Variants in ANO1 observed in about 807,000 individuals in gnomAD.
ANO1 encodes the protein anoctamin 1.
A neutral mutation model predicts 124.0 loss-of-function variants in ANO1; 59 were observed. The ratio of observed to expected loss-of-function variants is 0.48; its 90% confidence interval spans 0.39 to 0.59. The LOEUF (loss-of-function observed/expected upper bound fraction) is 0.59, where lower values mean the gene tolerates loss of function less well. Ranked by LOEUF, ANO1 falls within the 20% of genes least tolerant of loss-of-function variation. The pLI is 0.00. For missense variants in ANO1, 1,059 were observed against 1,328.0 expected, an observed-to-expected ratio of 0.80 and a Z score of 3.15; for synonymous variants, 529 against 532.0, an observed-to-expected ratio of 0.99 and a Z score of 0.08.
intron 2 of ANO1, among the ~76,000 whole-genome samples, chr11:70,094,720 G>A (rs181571058): frequency 2.1e-3 from 314 of 152,300 alleles, no homozygotes; most frequent in Admixed American, 3.5e-3. Context: ...TGCACGATGG[G>A]ATGTTAGGAA....
intron 11 of ANO1, among the ~76,000 whole-genome samples, chr11:70,132,588 CCTGAT>C (rs2046802899): frequency 1.3e-5 from 2 of 152,228 alleles, no homozygotes; most frequent in South Asian, 4.1e-4. Flanking sequence ...TCACTCAGCT[CCTGAT>C]TGCCACTGGG....
chr11:70,155,722 G>A (rs1392892859), intron 14 of ANO1, among the ~76,000 whole-genome samples, 189 bp from the exon 15 acceptor site: 3 of 152,220 alleles, frequency 2.0e-5, no homozygotes, highest in East Asian at 1.9e-4. Flanking sequence ...CTTTCCGAAC[G>A]TAGGTCTCTG....
intron 1 of ANO1, among the ~76,000 whole-genome samples, chr11:70,051,703 G>A (rs1266307060): frequency 6.6e-6 from 1 of 152,242 alleles, no homozygotes; most frequent in Admixed American, 6.5e-5. Flanking sequence ...AGCCTCTTTT[G>A]AGGAAGTGCT....
At chr11:70,066,500 G>T (rs1857722743) in intron 1 of ANO1, among the ~76,000 whole-genome samples, 1 of 152,286 alleles carries the variant, frequency 6.6e-6, no homozygotes, top group East Asian at 1.9e-4. Context: ...TCTCTAGAAA[G>T]TTCCATTCTG....
intron 1 of ANO1, among the ~76,000 whole-genome samples, chr11:70,005,242 C>A (rs553359834): frequency 6.6e-6 from 1 of 152,234 alleles, no homozygotes; most frequent in Admixed American, 6.5e-5. Context: ...TTTACTCCAC[C>A]CAAATCCCCT....
intron 1 of ANO1, among the ~76,000 whole-genome samples, chr11:69,993,341 A>G (rs995704257): frequency 1.3e-5 from 2 of 152,210 alleles, no homozygotes; most frequent in Non-Finnish European, 2.9e-5. Context: ...AAAAGTCTGA[A>G]CATGGTGGAA....
intron 22 of ANO1, among the ~76,000 whole-genome samples, chr11:70,176,583 T>C (rs2048709674): frequency 6.6e-6 from 1 of 152,172 alleles, no homozygotes; most frequent in Admixed American, 6.5e-5. Context: ...TCAGAGAGAA[T>C]AGACTGTAAA....
the ANO1 span, among the ~76,000 whole-genome samples, chr11:69,970,709 C>A: frequency 6.6e-6 from 1 of 152,164 alleles, no homozygotes; most frequent in Non-Finnish European, 1.5e-5. Flanking sequence ...GAAATGCCAC[C>A]TTTAAAAGGG....
intron 1 of ANO1, among the ~76,000 whole-genome samples, chr11:70,021,537 T>C (rs1440964686): frequency 6.6e-6 from 1 of 152,100 alleles, no homozygotes; most frequent in East Asian, 1.9e-4. Flanking sequence ...AAATAAAGTG[T>C]ATTTTTAAAT....
chr11:70,066,511 A>T (rs1483745897), intron 1 of ANO1, among the ~76,000 whole-genome samples: 2 of 152,068 alleles, frequency 1.3e-5, no homozygotes, highest in African/African-American at 2.4e-5. Context: ...TTCCATTCTG[A>T]TAGATGAGTC....
At chr11:70,108,498 G>A in intron 6 of ANO1, 94 bp downstream of exon 6, 1 of 1,407,538 alleles carries the variant, frequency 7.1e-7, no homozygotes, top group South Asian at 1.2e-5. Flanking sequence ...AGCCGGCTTG[G>A]GGTGTTTAAG....
intron 1 of ANO1, among the ~76,000 whole-genome samples, chr11:70,007,800 AT>A (rs1856522022): frequency 6.6e-6 from 1 of 152,160 alleles, no homozygotes; most frequent in South Asian, 2.1e-4. Context: ...TCAATTTTTC[AT>A]TTTTTTAGGA....
upstream of ANO1, among the ~76,000 whole-genome samples, chr11:69,982,385 T>G (rs556013881): frequency 6.6e-6 from 1 of 152,278 alleles, no homozygotes; most frequent in African/African-American, 2.4e-5. Context: ...CCGTCCACCT[T>G]GAAAAACCCA....
Position 70,187,823 on chromosome 11 carries a change from A to G in ANO1, c.2780A>G (p.Lys927Arg). 3 of 1,609,534 alleles carry G rather than the reference A, an allele frequency of 1.9e-6. No individual in the cohort carries two copies. Among genetic ancestry groups the G allele is most frequent in the South Asian group, 1.1e-5 (1 of 89,720 alleles). The change falls in exon 26 of 26, where the codon AAG becomes AGG. Residue 927 changes from lysine to arginine, a missense_variant. This residue lies in a region of ANO1 where 809 missense variants were observed against 1,094.9 expected (regional missense o/e 0.74). Coordinates refer to ENST00000355303, the MANE Select transcript of ANO1 (RefSeq NM_018043.7). Reference protein sequence around the residue: ...KDISQQIHKEKVLMVELFMRE... With the variant: ...KDISQQIHKERVLMVELFMRE... ...ATCAGCCAGCAGATCCACAAGGAGA[A>G]GGTGCTCATGGTGGAGCTGTTCATG... is the stretch of plus-strand genomic sequence containing the variant.
chr11:70,157,360 C>T (rs2047858155), intron 16 of ANO1, among the ~76,000 whole-genome samples: 1 of 114,002 alleles, frequency 8.8e-6, no homozygotes, highest in Non-Finnish European at 1.8e-5. Flanking sequence ...GAGCAAGACT[C>T]TGTCTCAAAA....
At position 70,010,162 on chromosome 11, in the gene ANO1, T is replaced by TGCGC. The variant is rs1555000802; in HGVS notation, c.58+23997_58+23998insCGCG. Among the ~76,000 whole-genome samples the TGCGC allele has an allele frequency of 7.7e-3, 581 of 75,334 alleles. 35 individuals carry two copies. The highest frequency in any genetic ancestry group is 0.026 in the African/African-American group (541 of 21,158). The allele number at this position is 75,334 out of a possible 152,430, so 49.4% of individuals were successfully genotyped here. ...GTGTGTGTGTGTGTGTGTGTGTGTGTGTGCGCGTGTGTGTGTGTATATATA... is the reference window on the plus strand; with the variant it reads ...GTGTGTGTGTGTGTGTGTGTGTGTGTGCGCGTGCGCGTGTGTGTGTGTATATATA... On this transcript the variant is annotated intron_variant, in intron 1 of 27. Transcript: ENST00000531349.
chr11:70,128,773 C>CG (rs1296202224), intron 10 of ANO1, among the ~76,000 whole-genome samples: 3 of 152,196 alleles, frequency 2.0e-5, no homozygotes, highest in Non-Finnish European at 2.9e-5. Flanking sequence ...TGGCTAAAGG[C>CG]GGTGAAGTGA....
At chr11:70,103,382 T>A (rs1423206099) in intron 3 of ANO1, among the ~76,000 whole-genome samples, 6 of 151,878 alleles carry the variant, frequency 4.0e-5, no homozygotes, top group Non-Finnish European at 7.4e-5. Context: ...CCCTGGGTGA[T>A]CTTTAGAGAC....
At chr11:69,985,030 G>C (rs149230912), upstream of ANO1, among the ~76,000 whole-genome samples, 1 of 152,170 alleles carries the variant, frequency 6.6e-6, no homozygotes, top group African/African-American at 2.4e-5. Context: ...CCCTCCGTAG[G>C]GCCCACATTG....
Sources: allele counts gnomAD v4.1 joint callset (sites outside exome capture counted in the v4.1 genomes callset), GRCh38; gene constraint gnomAD v4.1.1; regional missense constraint gnomAD v4.1.1; transcripts MANE v1.5; gene names NCBI Gene and HGNC (gene_info 2026-07-23, HGNC 2026-07-21).